Variants in ATP2C2 observed in about 807,000 individuals in gnomAD.
ATP2C2 encodes the protein calcium-transporting ATPase type 2C member 2.
In ATP2C2, 171 loss-of-function variants were observed where a neutral mutation model predicts 110.8. The ratio of observed to expected loss-of-function variants is 1.54; its 90% confidence interval spans 1.36 to 1.75. ATP2C2 has a LOEUF of 1.75. Ranked by LOEUF, ATP2C2 falls within the 40% of genes most tolerant of loss-of-function variation. The pLI, the probability that ATP2C2 is intolerant of heterozygous loss-of-function variation, is 0.00. For missense variants in ATP2C2, 1,963 were observed against 1,235.0 expected (o/e 1.59, Z -8.84); for synonymous variants, 804 against 508.4 (o/e 1.58, Z -7.82).
intron 16 of ATP2C2, among the ~76,000 whole-genome samples, chr16:84,448,058 T>G (rs1459051169): frequency 6.6e-6 from 1 of 151,936 alleles, no homozygotes; most frequent in African/African-American, 2.4e-5. Context: ...TGACAGAGCT[T>G]AAGAAAAACA....
chr16:84,429,704 G>A (rs370779095), intron 11 of ATP2C2, among the ~76,000 whole-genome samples: 1 of 152,102 alleles, frequency 6.6e-6, no homozygotes, highest in East Asian at 1.9e-4. Flanking sequence ...GGTGGGAGAG[G>A]GAGCGTGAAG....
Position 84,449,218 on chromosome 16 carries a change from G to A in ATP2C2, c.1660+529G>A, listed in dbSNP as rs538050388. 1.3e-4 allele frequency among the ~76,000 whole-genome samples: 20 copies of A among 152,362 alleles called. No individual in the cohort carries two copies. The South Asian group carries it at 2.3e-3, about 17-fold the overall frequency. ...CTGGTATTCCCTTGGGGGAAAGTGA[G>A]AGGCTTTGGGTTGGCCTTACTGGCT... is the stretch of plus-strand genomic sequence containing the variant. On this transcript the variant is annotated intron_variant, in intron 17 of 26. Coordinates refer to ENST00000262429, the MANE Select transcript of ATP2C2 (RefSeq NM_014861.4).
At chr16:84,434,286 G>A (rs1435886492) in intron 11 of ATP2C2, among the ~76,000 whole-genome samples, 1 of 151,050 alleles carries the variant, frequency 6.6e-6, no homozygotes, top group Non-Finnish European at 1.5e-5. Context: ...TGTGGTGGTG[G>A]GCGCCTGTAG....
chr16:84,434,620 T>G, intron 11 of ATP2C2, among the ~76,000 whole-genome samples: 1 of 151,506 alleles, frequency 6.6e-6, no homozygotes, highest in East Asian at 2.0e-4. Context: ...TGGGTTCAAG[T>G]GATTCTCCTG....
chr16:84,460,343 A>G (rs565584804), intron 23 of ATP2C2: 108 of 370,548 alleles, frequency 2.9e-4, no homozygotes, highest in African/African-American at 2.5e-3. Context: ...TCCAGGCGCA[A>G]CGTTGGGGGG....
rs1905655674 is a variant in ATP2C2, at chr16:84,405,216, A to G, written c.299A>G (p.Glu100Gly). Residue 100 changes from glutamate (E) to glycine (G), a missense_variant, in exon 3 of 27, where the codon GAA becomes GGA. Transcript: ENST00000262429. ...GWNEFVADNS[E>G]PVWKKYLDQF... is the part of the protein sequence containing the mutation. ...AATGAGTTTGTTGCTGACAACAGCGAACCTGTGTGGAAGAAATACCTGGAT... is the reference window on the plus strand; with the variant it reads ...AATGAGTTTGTTGCTGACAACAGCGGACCTGTGTGGAAGAAATACCTGGAT... 6.2e-7 allele frequency: 1 copy of G among 1,614,050 alleles called. No homozygotes were observed. The highest frequency in any genetic ancestry group is 8.5e-7 in the Non-Finnish European group (1 of 1,179,980).
At chr16:84,441,059 A>C (rs1909211624) in intron 14 of ATP2C2, 101 bp downstream of exon 14, 11 of 1,030,338 alleles carry the variant, frequency 1.1e-5, no homozygotes, top group Non-Finnish European at 1.6e-5. Context: ...CTGGTTCTTG[A>C]CAATGACTGG....
chr16:84,380,154 T>TC (rs1910491307), intron 1 of ATP2C2, among the ~76,000 whole-genome samples: 1 of 152,148 alleles, frequency 6.6e-6, no homozygotes, highest in Non-Finnish European at 1.5e-5. Context: ...AGGTGCCTGT[T>TC]CCCCAGGGAA....
chr16:84,459,468 G>A (rs762949122), intron 23 of ATP2C2, 82 bp downstream of exon 23: 1 of 1,602,964 alleles, frequency 6.2e-7, no homozygotes. Flanking sequence ...TGTGCCCCAA[G>A]GCTATAGGGA....
Position 84,459,388 on chromosome 16 carries a change from T to A in ATP2C2, c.2333+2T>A. ...CATGGATGGGCCACCGGCGCAGAGG[T>A]GAGGCAGGGCCGGCTGGGAGCCCTG... On this transcript the variant is annotated splice_donor_variant, in intron 23 of 26. Coordinates refer to ENST00000262429, the MANE Select transcript of ATP2C2 (RefSeq NM_014861.4). LOFTEE classifies it high-confidence loss of function. 6.2e-7 allele frequency: 1 copy of A among 1,613,602 alleles called. No homozygotes were observed. Among genetic ancestry groups the A allele is most frequent in the Non-Finnish European group, 8.5e-7 (1 of 1,179,554 alleles).
chr16:84,446,506 T>G (rs547482044), intron 16 of ATP2C2, 76 bp downstream of exon 16: 2 of 1,044,876 alleles, frequency 1.9e-6, no homozygotes, highest in Non-Finnish European at 2.8e-6. Flanking sequence ...AAATGCAGAC[T>G]TCAAGGATAA....
chr16:84,374,560 C>CT (rs1161265146), intron 1 of ATP2C2, among the ~76,000 whole-genome samples: 7 of 151,986 alleles, frequency 4.6e-5, no homozygotes, highest in African/African-American at 9.7e-5. Flanking sequence ...ATGTCACAAG[C>CT]TTTTTTTTAA....
In ATP2C2 at chr16:84,439,503, G is replaced by C. The variant is rs146656709; in HGVS notation, c.1188G>C (p.Thr396=). The change falls in exon 13 of 27, where the codon ACG becomes ACC. Residue 396 remains threonine (T), a synonymous_variant. Transcript: ENST00000262429. ...ANEMTVTQLV[T]SDGLRAEVSG... is the part of the protein sequence containing the mutation. Reference sequence around the variant, plus strand: ...AAATGACAGTGACCCAGCTTGTAACGTCAGATGGGCTTCGTGCCGAGGTGA... The same window carrying C: ...AAATGACAGTGACCCAGCTTGTAACCTCAGATGGGCTTCGTGCCGAGGTGA... 1 of 1,614,058 alleles carries C rather than the reference G, an allele frequency of 6.2e-7. No individual in the cohort carries two copies. The highest frequency in any genetic ancestry group is 8.5e-7 in the Non-Finnish European group (1 of 1,180,040).
chr16:84,431,544 A>G (rs4782960), intron 11 of ATP2C2, among the ~76,000 whole-genome samples: 83,175 of 151,472 alleles, frequency 0.55, 23,796 homozygotes, highest in East Asian at 0.82. Context: ...AGAGGTGGCC[A>G]GGGAGGGTTA....
chr16:84,401,285 G>A (rs184636937), intron 2 of ATP2C2, among the ~76,000 whole-genome samples: 123 of 148,532 alleles, frequency 8.3e-4, no homozygotes, highest in African/African-American at 1.6e-3. Flanking sequence ...GTGCGGTGGC[G>A]CTATCTCAGC....
rs1905660460 is a variant in ATP2C2 at position 84,405,256 on chromosome 16, G to A, written c.327+12G>A. The A allele has an allele frequency of 6.2e-7, 1 of 1,602,700 alleles. No individual in the cohort carries two copies. Among genetic ancestry groups the A allele is most frequent in the East Asian group, 2.2e-5 (1 of 44,752 alleles). The stretch of plus-strand genomic sequence containing the variant: ...AATACCTGGATCAGGTAGGACCAGA[G>A]GTGTCATTCTTTGCATTAACATGCA... On this transcript the variant is annotated intron_variant, in intron 3 of 26. Coordinates refer to ENST00000262429, the MANE Select transcript of ATP2C2 (RefSeq NM_014861.4).
intron 6 of ATP2C2, among the ~76,000 whole-genome samples, chr16:84,413,701 C>A (rs2150531031): frequency 6.6e-6 from 1 of 152,192 alleles, no homozygotes; most frequent in South Asian, 2.1e-4. Context: ...TCGGGCAGCC[C>A]AGTAGAGTTG....
Position 84,462,439 on chromosome 16 carries a change from C to G in ATP2C2, c.2722+310C>G, listed in dbSNP as rs554577017. The G allele has an allele frequency of 2.3e-3, 707 of 301,516 alleles. 3 individuals are homozygous for G. Among genetic ancestry groups the G allele is most frequent in the Middle Eastern group, 8.3e-3 (8 of 964 alleles). 18.7% of individuals were successfully genotyped at this position (301,516 alleles called of 1,614,324 possible). Reference sequence around the variant, plus strand: ...GCACGTGCAGGGAGGAAGGAGGGAGCAAGGCCTGTACTCAGCCTGGGAGGT... The same window carrying G: ...GCACGTGCAGGGAGGAAGGAGGGAGGAAGGCCTGTACTCAGCCTGGGAGGT... On this transcript the variant is annotated intron_variant, in intron 26 of 26. Coordinates refer to ENST00000262429, the MANE Select transcript of ATP2C2 (RefSeq NM_014861.4).
intron 6 of ATP2C2, among the ~76,000 whole-genome samples, chr16:84,414,331 T>G (rs1260352775): frequency 6.6e-6 from 1 of 152,152 alleles, no homozygotes; most frequent in African/African-American, 2.4e-5. Flanking sequence ...GCGTGGTTCT[T>G]TCACCTCCTT....
Sources: allele counts gnomAD v4.1 joint callset (sites outside exome capture counted in the v4.1 genomes callset), GRCh38; gene constraint gnomAD v4.1.1; transcripts MANE v1.5; gene names NCBI Gene and HGNC (gene_info 2026-07-23, HGNC 2026-07-21).